Variants in NPLOC4 observed in about 807,000 individuals in gnomAD.
The protein encoded by NPLOC4 is nuclear protein localization protein 4 homolog.
NPLOC4 carries 18 observed loss-of-function variants against 80.6 expected under a neutral mutation model. The ratio of observed to expected loss-of-function variants is 0.22; its 90% CI spans 0.15 to 0.33. The LOEUF (loss-of-function observed/expected upper bound fraction) is 0.33, where lower values mean the gene tolerates loss of function less well. NPLOC4 is among the 10% of genes least tolerant of loss of function. NPLOC4 has a pLI of 1.00. For synonymous variants in NPLOC4, 313 were observed against 301.5 expected (o/e 1.04, Z -0.39); for missense variants, 540 against 786.1 (o/e 0.69, Z 3.74).
chr17:81,588,894 G>C, intron 12 of NPLOC4, 50 bp downstream of exon 12: 1 of 1,547,526 alleles, frequency 6.5e-7, no homozygotes, highest in Non-Finnish European at 8.8e-7. Context: ...TCCAAGACAG[G>C]TTCACACCAT....
chr17:81,626,190 C>T (rs1284450595), intron 2 of NPLOC4, among the ~76,000 whole-genome samples: 2 of 150,764 alleles, frequency 1.3e-5, no homozygotes, highest in African/African-American at 4.9e-5. Context: ...CTGGCACGTG[C>T]CTGTAATCTC....
rs138631972 is a variant in NPLOC4 at position 81,586,336 on chromosome 17, G to C, written c.1281+2608C>G. On this transcript the variant is annotated intron_variant, in intron 12 of 16. Coordinates refer to ENST00000331134, the MANE Select transcript of NPLOC4 (RefSeq NM_017921.4). ...GGGTGTGGTGTAATCCCAGCACTTT[G>C]GGTGGCCTCACGCCTATAATCCCAA... 2.1e-3 allele frequency among the ~76,000 whole-genome samples: 327 copies of C among 152,220 alleles called. 1 individual carries two copies. The highest frequency in any genetic ancestry group is 2.7e-3 in the Non-Finnish European group (184 of 67,994).
chr17:81,572,384 G>A lies in NPLOC4; in HGVS notation c.1282-296C>T, dbSNP rs1364114597. 6.6e-6 allele frequency among the ~76,000 whole-genome samples: 1 copy of A among 151,888 alleles called. No individual in the cohort carries two copies. The highest frequency in any genetic ancestry group is 2.4e-5 in the African/African-American group (1 of 41,346). ...TTTTTGTATTTTTTAGTAGAGACAG[G>A]GTTTCACTGTGTTTGCCAGGATGGT... On this transcript the variant is annotated intron_variant, in intron 12 of 16. Transcript: ENST00000331134. The surrounding 1 kb of genome is among the most constrained non-coding windows in gnomAD (Gnocchi z 4.5).
At chr17:81,609,021 T>C (rs1425553730) in intron 5 of NPLOC4, 199 bp from the exon 6 acceptor site, 5 of 487,064 alleles carry the variant, frequency 1.0e-5, no homozygotes, top group Non-Finnish European at 1.8e-5. Flanking sequence ...GTTTTTTGTT[T>C]GTTTGTTTTG....
Position 81,559,211 on chromosome 17 carries a change from AG to A in NPLOC4, c.*47del. ...CACACTCAGCAACGCTTCTGGCTTC[AG>A]GAAGGGCTGGGCTGGGCCCGGTCCT... On this transcript the variant is annotated 3_prime_UTR_variant, in exon 17 of 17. Transcript: ENST00000331134. The A allele has an allele frequency of 6.5e-7, 1 of 1,541,016 alleles. No individual in the cohort carries two copies. The highest frequency in any genetic ancestry group is 1.2e-5 in the South Asian group (1 of 82,726).
chr17:81,619,214 A>C (rs1215984140), intron 3 of NPLOC4, among the ~76,000 whole-genome samples: 1 of 151,862 alleles, frequency 6.6e-6, no homozygotes, highest in African/African-American at 2.4e-5. Flanking sequence ...AAAAAAAAAA[A>C]AAAACACAAA....
At chr17:81,565,848 T>C (rs1358267379) in intron 15 of NPLOC4, among the ~76,000 whole-genome samples, 10 of 152,250 alleles carry the variant, frequency 6.6e-5, no homozygotes, top group Non-Finnish European at 1.3e-4. Flanking sequence ...GCCTCTGCCT[T>C]GTGCTGACGG....
At chr17:81,614,275 C>CCAA (rs2035420104) in intron 3 of NPLOC4, 1 of 60,168 alleles carries the variant, frequency 1.7e-5, no homozygotes, top group Non-Finnish European at 2.9e-5. Context: ...GGCTCCATCT[C>CCAA]AAAAAAAAAA....
chr17:81,576,317 C>T (rs1305622770), intron 12 of NPLOC4, among the ~76,000 whole-genome samples: 1 of 152,206 alleles, frequency 6.6e-6, no homozygotes, highest in Admixed American at 6.5e-5. Flanking sequence ...CGTTGCACAA[C>T]GCGGGTTTGA....
At chr17:81,611,935 G>C (rs1361804499) in intron 4 of NPLOC4, among the ~76,000 whole-genome samples, 1 of 147,962 alleles carries the variant, frequency 6.8e-6, no homozygotes, top group Non-Finnish European at 1.5e-5. Context: ...ACTCCAGCCT[G>C]GGTGACAGAG....
At chr17:81,570,231 C>A (rs1489510212) in intron 13 of NPLOC4, among the ~76,000 whole-genome samples, 1 of 152,250 alleles carries the variant, frequency 6.6e-6, no homozygotes, top group Non-Finnish European at 1.5e-5. Flanking sequence ...GTGTCGGCTA[C>A]ATGGCCTCGT....
At position 81,567,158 on chromosome 17, in the gene NPLOC4, C is replaced by T. The variant is rs1484441415; in HGVS notation, c.1566+259G>A. Among the ~76,000 whole-genome samples the T allele has an allele frequency of 6.6e-6, 1 of 152,200 alleles. No individual in the cohort carries two copies. The highest frequency in any genetic ancestry group is 1.5e-5 in the Non-Finnish European group (1 of 68,032). ...CCCATTCGATTGTAACAGATGAAAC[C>T]GTACTTCCTCACAGAGGTGCAGACA... is the stretch of plus-strand genomic sequence containing the variant. On this transcript the variant is annotated intron_variant, in intron 15 of 16. Coordinates refer to ENST00000331134, the MANE Select transcript of NPLOC4 (RefSeq NM_017921.4). This position sits in a 1 kb window ranked among gnomAD's most constrained non-coding sequence, Gnocchi z 4.5.
intron 11 of NPLOC4, 84 bp from the exon 12 acceptor site, chr17:81,589,188 A>C: frequency 8.4e-7 from 1 of 1,197,224 alleles, no homozygotes; most frequent in Non-Finnish European, 1.2e-6. Context: ...CCTCTGATCA[A>C]CAGAAAAAAC....
chr17:81,597,370 G>A (rs1339352438), intron 9 of NPLOC4, 54 bp from the exon 10 acceptor site: 1 of 1,402,474 alleles, frequency 7.1e-7, no homozygotes, highest in African/African-American at 1.4e-5. Flanking sequence ...ACGATGAATG[G>A]CTGGGCGCAG....
At chr17:81,605,899 G>T (rs1844619130) in intron 7 of NPLOC4, among the ~76,000 whole-genome samples, 1 of 149,412 alleles carries the variant, frequency 6.7e-6, no homozygotes, top group African/African-American at 2.5e-5. Context: ...TTGGCTCACT[G>T]CAACCTCTGC....
chr17:81,565,806 T>C (rs549997949), intron 15 of NPLOC4, among the ~76,000 whole-genome samples, 199 bp from the exon 16 acceptor site: 6 of 152,358 alleles, frequency 3.9e-5, no homozygotes, highest in African/African-American at 1.4e-4. Flanking sequence ...AGAATTTAAA[T>C]TCTTCCCAAA....
chr17:81,563,353 G>GT (rs141242637), intron 16 of NPLOC4: 13,857 of 151,584 alleles, frequency 0.091, 919 homozygotes, highest in Admixed American at 0.21. Context: ...GATTACAGGT[G>GT]TGAGCCAGCC....
intron 12 of NPLOC4, among the ~76,000 whole-genome samples, chr17:81,585,763 G>A (rs1482861401): frequency 6.6e-6 from 1 of 151,906 alleles, no homozygotes; most frequent in Non-Finnish European, 1.5e-5. Flanking sequence ...GAGGCAGGCA[G>A]ATTGCTTGAG....
intron 15 of NPLOC4, 92 bp from the exon 16 acceptor site, chr17:81,565,699 C>A: frequency 1.1e-6 from 1 of 932,718 alleles, no homozygotes; most frequent in South Asian, 1.7e-5. Flanking sequence ...AACATCAAGA[C>A]GTATTTCTGA....
Sources: allele counts gnomAD v4.1 joint callset (sites outside exome capture counted in the v4.1 genomes callset), GRCh38; gene constraint gnomAD v4.1.1; non-coding constraint Gnocchi (gnomAD v3.1); transcripts MANE v1.5; gene names NCBI Gene and HGNC (gene_info 2026-07-23, HGNC 2026-07-21).